MST1: variants seen among roughly 807,000 people sequenced by gnomAD.
MST1 encodes the protein macrophage stimulating 1, also known as hepatocyte growth factor-like protein.
Under a neutral mutation model 100.1 loss-of-function variants are expected in MST1, and 76 were observed. That is an observed-to-expected ratio of 0.76 (90% CI 0.63 to 0.92). The LOEUF (loss-of-function observed/expected upper bound fraction) is 0.92. MST1 is among the 40% of genes least tolerant of loss of function. MST1 has a pLI of 0.00. For synonymous variants in MST1, 352 were observed against 385.4 expected, an observed-to-expected ratio of 0.91 and a Z score of 1.01; for missense variants, 850 against 990.0, an observed-to-expected ratio of 0.86 and a Z score of 1.90.
In MST1 at chr3:49,687,058, A is replaced by C; in HGVS notation, c.617T>G (p.Val206Gly). 4 of 1,611,110 alleles carry C rather than the reference A, an allele frequency of 2.5e-6. No individual in the cohort carries two copies. The highest frequency in any genetic ancestry group is 2.5e-6 in the Non-Finnish European group (3 of 1,179,716). The change falls in exon 6 of 18, where the codon GTC (valine) becomes GGC (glycine). Residue 206 changes from valine to glycine, a missense_variant. This residue lies in a region of MST1 where 816 missense variants were observed against 924.6 expected (regional missense o/e 0.88). Coordinates refer to ENST00000449682, the MANE Select transcript of MST1 (RefSeq NM_020998.4). Reference sequence around the variant, plus strand: ...GCGGTATTCCTCGCCATTGCACCAGACACACGCGGCTGGAGACAAAGAGCC... The same window carrying C: ...GCGGTATTCCTCGCCATTGCACCAGCCACACGCGGCTGGAGACAAAGAGCC... ...GIKSCREAAC[V>G]WCNGEEYRGA...
At chr3:49,688,082 G>A (rs1363351758) in intron 1 of MST1, 185 bp from the exon 2 acceptor site, 1 of 970,268 alleles carries the variant, frequency 1.0e-6, no homozygotes, top group African/African-American at 1.7e-5. Flanking sequence ...ATTTCCCCTG[G>A]GAAGCAGGCC....
intron 8 of MST1, 24 bp downstream of exon 8, chr3:49,686,289 G>GCCCCCCCCCACCCCCCCCC: frequency 8.1e-7 from 1 of 1,235,666 alleles, no homozygotes; most frequent in South Asian, 1.4e-5. Context: ...ACGTCCCAAC[G>GCCCCCCCCCACCCCCCCCC]CCCGCCCCCC....
intron 11 of MST1, 30 bp downstream of exon 11, chr3:49,685,566 G>C (rs2053649839): frequency 5.6e-6 from 9 of 1,613,340 alleles, no homozygotes; most frequent in Admixed American, 1.7e-5. Context: ...GCTGAGGCAG[G>C]GTCATGGGGG....
chr3:49,684,172 T>G lies in MST1; in HGVS notation c.2034A>C (p.Pro678=), dbSNP rs772456467. 13 of 1,612,816 alleles carry G rather than the reference T, an allele frequency of 8.1e-6. No homozygotes were observed. Among genetic ancestry groups the G allele is most frequent in the Non-Finnish European group, 1.1e-5 (13 of 1,179,600 alleles). ...VGACEGDYGG[P]LACFTHNCWV... ...AGCAGTTGTGGGTAAAGCAGGCAAG[T>G]GGGCCCCCGTAGTCACCCTGGCAGG... The change falls in exon 18 of 18, where the codon CCA becomes CCC. Residue 678 remains proline (P), a synonymous_variant. Transcript: ENST00000449682.
chr3:49,685,567 G>A (rs1338257299), intron 11 of MST1, 29 bp downstream of exon 11: 3 of 1,613,334 alleles, frequency 1.9e-6, no homozygotes. Context: ...CTGAGGCAGG[G>A]TCATGGGGGA....
intron 7 of MST1, 84 bp from the exon 8 acceptor site, chr3:49,686,565 T>G: frequency 1.3e-6 from 2 of 1,574,200 alleles, no homozygotes; most frequent in African/African-American, 2.7e-5. Context: ...TTCCCAGGTG[T>G]ACGGTACTCC....
Position 49,687,806 on chromosome 3 carries a change from C to A in MST1, c.186G>T (p.Glu62Asp). 6.2e-7 allele frequency: 1 copy of A among 1,613,676 alleles called. No homozygotes were observed. The highest frequency in any genetic ancestry group is 1.1e-5 in the South Asian group (1 of 91,078). Residue 62 changes from glutamate (E) to aspartate (D), a missense_variant, in exon 2 of 18, where the codon GAG becomes GAT. Glu to Asp is a conservative substitution (Grantham distance 45). Around this residue, in one of 2 missense-constraint regions of MST1, gnomAD observed 816 missense variants for 924.6 expected, o/e 0.88. Transcript: ENST00000449682. ...CACACTCTTCAGCATCTGCCACATCCTCCTGCCAAGGCCCGGGCACCACCG... is the reference window on the plus strand; with the variant it reads ...CACACTCTTCAGCATCTGCCACATCATCCTGCCAAGGCCCGGGCACCACCG... ...LHAVVPGPWQEDVADAEECAG... is the reference protein window; with the variant it reads ...LHAVVPGPWQDDVADAEECAG...
chr3:49,686,289 G>GGGGGGGGGGCCCCCCCCCCCC, intron 8 of MST1, 24 bp downstream of exon 8: 1 of 1,235,664 alleles, frequency 8.1e-7, no homozygotes, highest in Non-Finnish European at 1.1e-6. Flanking sequence ...ACGTCCCAAC[G>GGGGGGGGGGCCCCCCCCCCCC]CCCGCCCCCC....
rs9713630 is a variant in MST1, at chr3:49,685,711, C to T, written c.1272G>A (p.Pro424=). The change falls in exon 11 of 18, where the codon CCG becomes CCA. Residue 424 remains proline, a synonymous_variant. Coordinates refer to ENST00000449682, the MANE Select transcript of MST1 (RefSeq NM_020998.4). ...HKPQFTFTSE[P]HAQLEENFCR... ...AGAAGTTCTCCTCCAGTTGTGCATGCGGTTCGGAGGTAAACGTGAACCTAG... is the reference window on the plus strand; with the variant it reads ...AGAAGTTCTCCTCCAGTTGTGCATGTGGTTCGGAGGTAAACGTGAACCTAG... 2 of 1,613,316 alleles carry T rather than the reference C, an allele frequency of 1.2e-6. No individual in the cohort carries two copies. Among genetic ancestry groups the T allele is most frequent in the Admixed American group, 1.7e-5 (1 of 60,020 alleles).
chr3:49,686,677 C>A lies in MST1; in HGVS notation c.847+7G>T, dbSNP rs1323718571. On this transcript the variant is annotated splice_region_variant and intron_variant, in intron 7 of 17. Coordinates refer to ENST00000449682, the MANE Select transcript of MST1 (RefSeq NM_020998.4). ...GTACCCTCCCAGGCCTGGTCCCCGC[C>A]GCCTACCGCAGCGGGGGAGGTCACA... The A allele has an allele frequency of 8.4e-6, 13 of 1,551,620 alleles. No homozygotes were observed. The African/African-American group carries it at 1.5e-4, about 18-fold the overall frequency.
rs755318178 is a variant in MST1, at chr3:49,684,357, T to C, written c.1973A>G (p.Glu658Gly). Residue 658 changes from glutamate (E) to glycine (G), a missense_variant, in exon 17 of 18, where the codon GAG (glutamate) becomes GGG (glycine). Physicochemically the swap from Glu to Gly is moderately conservative, Grantham distance 98 (BLOSUM62 -2). This residue lies in a region of MST1 where 816 missense variants were observed against 924.6 expected (regional missense o/e 0.88). Transcript: ENST00000449682. ...GGCCAACAGTCCCTCAGTGCACATC[T>C]CACTCTCCCGCACACGTCCTCGGTG... ...IKHRGRVRES[E>G]MCTEGLLAPV... 6.2e-7 allele frequency: 1 copy of C among 1,613,252 alleles called. No individual in the cohort carries two copies. The highest frequency in any genetic ancestry group is 1.1e-5 in the South Asian group (1 of 91,082).
Position 49,686,317 on chromosome 3 carries a change from A to T in MST1, c.1012T>A (p.Cys338Ser), listed in dbSNP as rs71324987. The part of the protein sequence containing the change: ...QHRFTPEKYA[C>S]KDLRENFCRN... ...CGCCCCCCCCCCCCACCTCACTTGC[A>T]CGCGTATTTTTCTGGCGTAAATCGG... Residue 338 changes from cysteine to serine, a missense_variant, in exon 8 of 18, where the codon TGC becomes AGC. By Grantham distance (112) the Cys-to-Ser change is moderately radical. This residue lies in a region of MST1 where 816 missense variants were observed against 924.6 expected (regional missense o/e 0.88). Coordinates refer to ENST00000449682, the MANE Select transcript of MST1 (RefSeq NM_020998.4). The T allele has an allele frequency of 2.7e-5, 35 of 1,293,076 alleles. No homozygotes were observed. The South Asian group carries it at 4.3e-4, about 16-fold the overall frequency. 80.1% of individuals were successfully genotyped at this position (1,293,076 alleles called of 1,614,324 possible).
chr3:49,687,950 T>C (rs1233183324), intron 1 of MST1, 53 bp from the exon 2 acceptor site: 20 of 1,566,762 alleles, frequency 1.3e-5, no homozygotes, highest in Non-Finnish European at 1.6e-5. Flanking sequence ...ATGTCAGTAA[T>C]GTGTATTGGC....
Position 49,686,078 on chromosome 3 carries a change from G to C in MST1, c.1131C>G (p.Asp377Glu). ...GGGCCTCACCCTGGGGCCGCACGTC[G>C]TCTGTACAACGCCGGATCTGGTAGC... ...AFCYQIRRCT[D>E]DVRPQDCYHG... Residue 377 changes from aspartate (D) to glutamate (E), a missense_variant, in exon 9 of 18, where the codon GAC becomes GAG. Asp to Glu is a conservative substitution (Grantham distance 45). Transcript: ENST00000449682. 1.9e-6 allele frequency: 3 copies of C among 1,610,530 alleles called. No homozygotes were observed. Among genetic ancestry groups the C allele is most frequent in the Non-Finnish European group, 2.5e-6 (3 of 1,179,412 alleles).
Position 49,684,016 on chromosome 3 carries a change from T to C in MST1, c.*12A>G, listed in dbSNP as rs1559644280. The C allele has an allele frequency of 6.2e-7, 1 of 1,611,314 alleles. No homozygotes were observed. The highest frequency in any genetic ancestry group is 2.2e-5 in the East Asian group (1 of 44,884). ...TTTGTCCTCCCCAAGGCATATGGCA[T>C]CAAGGCTGGGCCTAACCCAGTCTCA... is the stretch of plus-strand genomic sequence containing the variant. On this transcript the variant is annotated 3_prime_UTR_variant, in exon 18 of 18. Coordinates refer to ENST00000449682, the MANE Select transcript of MST1 (RefSeq NM_020998.4).
In MST1 at chr3:49,687,548, C is replaced by A. The variant is rs1386851799; in HGVS notation, c.355+8G>T. 2 of 1,613,492 alleles carry A rather than the reference C, an allele frequency of 1.2e-6. No homozygotes were observed. The highest frequency in any genetic ancestry group is 1.7e-6 in the Non-Finnish European group (2 of 1,179,872). On this transcript the variant is annotated splice_region_variant and intron_variant, in intron 3 of 17. Coordinates refer to ENST00000449682, the MANE Select transcript of MST1 (RefSeq NM_020998.4). ...TCTCCCACCCTGCCCCTCTCCACCCCCACTTGCCTTTCTTCTGGAAGAGGT... is the reference window on the plus strand; with the variant it reads ...TCTCCCACCCTGCCCCTCTCCACCCACACTTGCCTTTCTTCTGGAAGAGGT...
Position 49,688,600 on chromosome 3 carries a change from G to A in MST1, c.92C>T (p.Pro31Leu). The A allele has an allele frequency of 6.2e-7, 1 of 1,612,238 alleles. No individual in the cohort carries two copies. Among genetic ancestry groups the A allele is most frequent in the Admixed American group, 1.7e-5 (1 of 59,984 alleles). ...LLLLTQCLGV[P>L]GQRSPLNDFQ... is the part of the protein sequence containing the mutation. ...GGATCAGGGTTGGGGGCACTTACCAGGGACCCCTAAGCATTGAGTCAGAAG... is the reference window on the plus strand; with the variant it reads ...GGATCAGGGTTGGGGGCACTTACCAAGGACCCCTAAGCATTGAGTCAGAAG... The change falls in exon 1 of 18, where the codon CCT becomes CTT. Residue 31 changes from proline to leucine, a missense_variant and splice_region_variant. Transcript: ENST00000449682.
At chr3:49,686,911 C>T (rs751659648) in intron 6 of MST1, 36 bp downstream of exon 6, 1 of 1,611,700 alleles carries the variant, frequency 6.2e-7, no homozygotes, top group Admixed American at 1.7e-5. Flanking sequence ...CCTTCCCTAG[C>T]CCGGCCCCCA....
At position 49,686,377 on chromosome 3, in the gene MST1, A is replaced by C; in HGVS notation, c.952T>G (p.Cys318Gly). 6.2e-7 allele frequency: 1 copy of C among 1,604,038 alleles called. No individual in the cohort carries two copies. Residue 318 changes from cysteine (C) to glycine (G), a missense_variant, in exon 8 of 18, where the codon TGC becomes GGC. Cys to Gly is a radical substitution (Grantham distance 159). Transcript: ENST00000449682. The stretch of plus-strand genomic sequence containing the variant: ...GGGATTTGCGCGTCCCAACGCTGGC[A>C]AGGTACGCCCGCAGTGGTGGTATTG... ...TANTTTAGVP[C>G]QRWDAQIPHQ... is the part of the protein sequence containing the mutation.
Sources: allele counts gnomAD v4.1 joint callset, GRCh38; gene constraint gnomAD v4.1.1; regional missense constraint gnomAD v4.1.1; transcripts MANE v1.5; gene names NCBI Gene and HGNC (gene_info 2026-07-23, HGNC 2026-07-21).